MMP8: variants seen among roughly 807,000 people sequenced by gnomAD.
MMP8 encodes matrix metallopeptidase 8.
MMP8 carries 67 observed loss-of-function variants against 51.2 expected under a neutral mutation model. The ratio of observed to expected loss-of-function variants is 1.31; its 90% CI spans 1.08 to 1.60. The LOEUF is 1.60. Among genes scored for constraint, MMP8 ranks in the 40% most tolerant of loss-of-function variants. The probability of loss-of-function intolerance (pLI) is 0.00; values close to 1 mark genes in which losing one functional copy is unlikely to be tolerated. For synonymous variants in MMP8, 225 were observed against 191.0 expected, an observed-to-expected ratio of 1.18 and a Z score of -1.47; for missense variants, 654 against 558.1, an observed-to-expected ratio of 1.17 and a Z score of -1.73.
At chr11:102,716,789 T>C (rs1030896879) in intron 5 of MMP8, among the ~76,000 whole-genome samples, 1 of 152,184 alleles carries the variant, frequency 6.6e-6, no homozygotes, top group Non-Finnish European at 1.5e-5. Context: ...AAAATCCACT[T>C]TCAGGAAAGA....
chr11:102,716,485 G>A, intron 5 of MMP8, 66 bp from the exon 6 acceptor site: 1 of 1,017,544 alleles, frequency 9.8e-7, no homozygotes, highest in Non-Finnish European at 1.4e-6. Flanking sequence ...GTGACTCTTG[G>A]GTACATCAGA....
intron 5 of MMP8, among the ~76,000 whole-genome samples, chr11:102,717,329 C>T (rs759677033): frequency 1.1e-4 from 16 of 152,292 alleles, no homozygotes; most frequent in Admixed American, 2.6e-4. Context: ...CTATACTTAT[C>T]CTTGAAATGT....
chr11:102,723,591 G>A (rs1861537516), intron 1 of MMP8: 3 of 436,864 alleles, frequency 6.9e-6, no homozygotes, highest in South Asian at 4.9e-5. Context: ...GCAAGCATGT[G>A]TGAAAAGGGG....
intron 8 of MMP8, 22 bp from the exon 9 acceptor site, chr11:102,713,879 C>T: frequency 6.4e-7 from 1 of 1,562,068 alleles, no homozygotes; most frequent in Admixed American, 1.8e-5. Flanking sequence ...AAAATGTTAT[C>T]CGATTTAACA....
intron 2 of MMP8, 128 bp from the exon 3 acceptor site, chr11:102,721,890 G>T: frequency 9.2e-7 from 1 of 1,084,458 alleles, no homozygotes; most frequent in Non-Finnish European, 1.3e-6. Flanking sequence ...TAAGGAGGGA[G>T]TGCAGGTCTC....
chr11:102,718,941 T>G (rs1407025803), intron 4 of MMP8, among the ~76,000 whole-genome samples: 1 of 152,116 alleles, frequency 6.6e-6, no homozygotes, highest in Non-Finnish European at 1.5e-5. Context: ...ATCTCCACTG[T>G]CCCAGACACT....
At chr11:102,724,684 A>G (rs1041252233) in intron 1 of MMP8, 70 bp downstream of exon 1, 12 of 1,344,050 alleles carry the variant, frequency 8.9e-6, no homozygotes, top group Non-Finnish European at 1.2e-5. Context: ...TTAATTAACA[A>G]GAGAAAACAA....
rs1255887471 is a variant in MMP8, at chr11:102,724,880, TC to T, written c.-26del. ...TGATCTTCTCTTCAAACTCTACCCC[TC>T]CTGGCTTTCTTTCTGTCCCTCTGGG... On this transcript the variant is annotated 5_prime_UTR_variant, in exon 1 of 10. Transcript: ENST00000236826. The T allele has an allele frequency of 6.3e-7, 1 of 1,596,670 alleles. No homozygotes were observed. The highest frequency in any genetic ancestry group is 8.5e-7 in the Non-Finnish European group (1 of 1,170,144).
Position 102,714,779 on chromosome 11 carries a change from TA to T in MMP8, c.1037-71del. On this transcript the variant is annotated intron_variant, in intron 7 of 9. Coordinates refer to ENST00000236826, the MANE Select transcript of MMP8 (RefSeq NM_002424.3). ...TTACAAAATTATATATATATATATA[TA>T]TATATATATATATATATATATATAT... 1.2e-5 allele frequency: 3 copies of T among 243,064 alleles called. 1 individual carries two copies. Among genetic ancestry groups the T allele is most frequent in the Non-Finnish European group, 2.3e-5 (3 of 132,700 alleles). The allele number at this position is 243,064 out of a possible 1,614,324, so 15.1% of individuals were successfully genotyped here. A position where few individuals can be genotyped will look rare whatever the true frequency, so the allele number is the denominator to read the frequency against.
At chr11:102,723,093 G>T in intron 1 of MMP8, 1 of 1,264,222 alleles carries the variant, frequency 7.9e-7, no homozygotes, top group Non-Finnish European at 1.0e-6. Context: ...TGAACAAACA[G>T]AAGCACAGAG....
chr11:102,713,129 T>A lies in MMP8; in HGVS notation c.*219A>T. On this transcript the variant is annotated 3_prime_UTR_variant, in exon 10 of 10. Coordinates refer to ENST00000236826, the MANE Select transcript of MMP8 (RefSeq NM_002424.3). ...CTTACTTTCCTTCTCTTTGATGGAATCACTAATGTAAGATGGAATGTGTAA... is the reference window on the plus strand; with the variant it reads ...CTTACTTTCCTTCTCTTTGATGGAAACACTAATGTAAGATGGAATGTGTAA... 2.4e-6 allele frequency: 1 copy of A among 414,418 alleles called. No individual in the cohort carries two copies. Among genetic ancestry groups the A allele is most frequent in the Non-Finnish European group, 4.3e-6 (1 of 231,628 alleles). The allele number at this position is 414,418 out of a possible 1,614,324, so 25.7% of individuals were successfully genotyped here.
chr11:102,722,716 C>T (rs1227136514), intron 1 of MMP8, 43 bp from the exon 2 acceptor site: 2 of 1,602,452 alleles, frequency 1.2e-6, no homozygotes, highest in South Asian at 1.1e-5. Context: ...GTGAAAGGAC[C>T]TCCAGTTCTC....
In MMP8 at chr11:102,714,662, G is replaced by A. The variant is rs996002865; in HGVS notation, c.1084C>T (p.Pro362Ser). 13 of 1,549,904 alleles carry A rather than the reference G, an allele frequency of 8.4e-6. No homozygotes were observed. Among genetic ancestry groups the A allele is most frequent in the Non-Finnish European group, 1.0e-5 (12 of 1,151,572 alleles). The change falls in exon 8 of 10, where the codon CCC becomes TCC. Residue 362 changes from proline to serine, a missense_variant. By Grantham distance (74) the Pro-to-Ser change is moderately conservative. Transcript: ENST00000236826. ...LSGYDILQGY[P>S]KDISNYGFPS... ...AAGCCATAGTTTGATATATCCTTGG[G>A]ATAACCTTGCAGAATATCATAGCCA...
intron 7 of MMP8, 21 bp downstream of exon 7, chr11:102,715,283 A>G: frequency 6.2e-7 from 1 of 1,600,960 alleles, no homozygotes; most frequent in Non-Finnish European, 8.5e-7. Context: ...CTAACATAAG[A>G]TGAAAACTTT....
chr11:102,721,516 G>T lies in MMP8; in HGVS notation c.507C>A (p.Asp169Glu), dbSNP rs758944216. 1 of 1,613,814 alleles carries T rather than the reference G, an allele frequency of 6.2e-7. No homozygotes were observed. Among genetic ancestry groups the T allele is most frequent in the Non-Finnish European group, 8.5e-7 (1 of 1,179,818 alleles). ...CATTGGGTCCATCAAATGGAGAATT[G>T]TCACCGTGATCTGAAATAAGAACAT... ...NIAFYQRDHGDNSPFDGPNGI... is the reference protein window; with the variant it reads ...NIAFYQRDHGENSPFDGPNGI... Residue 169 changes from aspartate to glutamate, a missense_variant, in exon 4 of 10, where the codon GAC becomes GAA. Transcript: ENST00000236826.
chr11:102,716,421 T>C lies in MMP8; in HGVS notation c.785-2A>G, dbSNP rs201548203. On this transcript the variant is annotated splice_acceptor_variant, in intron 5 of 9. Coordinates refer to ENST00000236826, the MANE Select transcript of MMP8 (RefSeq NM_002424.3). LOFTEE classifies it high-confidence loss of function. ...GTTGGATAGGGTTGCTTGAAAGTCC[T>C]GGAAAAAAAAAAAAAAAAAAAAAAA... 2.7e-5 allele frequency: 18 copies of C among 672,370 alleles called. No individual in the cohort carries two copies. In the East Asian group the frequency reaches 6.2e-4, roughly 23 times the overall value. The allele number at this position is 672,370 out of a possible 1,614,324, so 41.7% of individuals were successfully genotyped here.
rs568432365 is a variant in MMP8 at position 102,724,669 on chromosome 11, C to G, written c.102+85G>C. The G allele has an allele frequency of 1.0e-5, 12 of 1,176,884 alleles. No homozygotes were observed. The South Asian group carries it at 2.1e-4, about 20-fold the overall frequency. The allele number at this position is 1,176,884 out of a possible 1,614,324, so 72.9% of individuals were successfully genotyped here. A position where few individuals can be genotyped will look rare whatever the true frequency, so the allele number is the denominator to read the frequency against. ...AATCACCCAAATAATTTCTTTCAGG[C>G]TGTTTTAATTAACAAGAGAAAACAA... is the stretch of plus-strand genomic sequence containing the variant. On this transcript the variant is annotated intron_variant, in intron 1 of 9. Transcript: ENST00000236826.
intron 4 of MMP8, among the ~76,000 whole-genome samples, chr11:102,720,498 T>C (rs906767412): frequency 4.6e-5 from 7 of 152,204 alleles, no homozygotes; most frequent in Non-Finnish European, 8.8e-5. Flanking sequence ...AACATACCCA[T>C]GTTGAGAAAA....
At chr11:102,722,021 A>C (rs1477549613) in intron 2 of MMP8, among the ~76,000 whole-genome samples, 1 of 152,190 alleles carries the variant, frequency 6.6e-6, no homozygotes, top group Non-Finnish European at 1.5e-5. Flanking sequence ...GTGGGGATTA[A>C]ATACATATAA....
Sources: gnomAD v4.1 joint callset for allele counts (sites outside exome capture counted in the v4.1 genomes callset) on GRCh38, gnomAD v4.1.1 for gene constraint, MANE v1.5 for transcripts, NCBI Gene and HGNC (gene_info 2026-07-23, HGNC 2026-07-21) for gene names.